SGCZ: variants seen among roughly 807,000 people sequenced by gnomAD.
SGCZ encodes sarcoglycan zeta, also known as zeta-sarcoglycan.
A neutral mutation model predicts 41.3 loss-of-function variants in SGCZ; 40 were observed. The observed-to-expected ratio is 0.97, with a 90% CI of 0.75 to 1.26. The LOEUF is 1.26. Ranked by LOEUF, SGCZ falls within the 50% of genes most tolerant of loss-of-function variation. The pLI, the probability that SGCZ is intolerant of heterozygous loss-of-function variation, is 0.00. For synonymous variants in SGCZ, 206 were observed against 137.5 expected (o/e 1.50, Z -3.49); for missense variants, 552 against 369.8 (o/e 1.49, Z -4.04).
At chr8:14,122,889 C>T (rs1368829160) in intron 5 of SGCZ, among the ~76,000 whole-genome samples, 1 of 152,196 alleles carries the variant, frequency 6.6e-6, no homozygotes, top group Admixed American at 6.5e-5. Flanking sequence ...CCAGCTACCT[C>T]AACAAAATGT....
intron 6 of SGCZ, among the ~76,000 whole-genome samples, chr8:14,103,433 T>G (rs1313639626): frequency 6.6e-6 from 1 of 152,006 alleles, no homozygotes; most frequent in East Asian, 1.9e-4. Context: ...AAGAGGAGGG[T>G]CCCCTCGGGC....
intron 1 of SGCZ, among the ~76,000 whole-genome samples, chr8:14,886,150 C>A (rs193283008): frequency 2.7e-5 from 4 of 150,760 alleles, no homozygotes; most frequent in Admixed American, 2.7e-4. Flanking sequence ...TAAGCCAGAC[C>A]GTTAGTATTG....
At chr8:15,037,489 T>C (rs576950054) in intron 1 of SGCZ, among the ~76,000 whole-genome samples, 126 of 152,294 alleles carry the variant, frequency 8.3e-4, no homozygotes, top group African/African-American at 2.9e-3. Context: ...AATGGACTAA[T>C]ACATATGAGA....
At chr8:14,312,666 AGGAAGAGGAGGAGGAGGAGGAAGAGGAGC>A in intron 3 of SGCZ, among the ~76,000 whole-genome samples, 2 of 151,998 alleles carry the variant, frequency 1.3e-5, no homozygotes, top group South Asian at 4.2e-4. Flanking sequence ...GAAGAGGAGG[AGGAAGAGGAGGAGGAGGAGGAAGAGGAGC>A]AGGAAGAGGA....
chr8:14,803,380 G>A (rs548665000), intron 1 of SGCZ, among the ~76,000 whole-genome samples: 11 of 152,212 alleles, frequency 7.2e-5, no homozygotes, highest in Non-Finnish European at 1.2e-4. Flanking sequence ...CGCACCATGC[G>A]CAAGCCGAAG....
chr8:15,205,487 C>A (rs1158781151), intron 1 of SGCZ, among the ~76,000 whole-genome samples: 12 of 152,106 alleles, frequency 7.9e-5, no homozygotes, highest in Non-Finnish European at 1.6e-4. Flanking sequence ...ATGTGGCCAA[C>A]AATCACATCA....
intron 1 of SGCZ, among the ~76,000 whole-genome samples, chr8:15,168,426 T>A (rs1799727570): frequency 6.6e-6 from 1 of 152,136 alleles, no homozygotes; most frequent in Non-Finnish European, 1.5e-5. Flanking sequence ...AGCAGATAAT[T>A]CCCTATTCGA....
At chr8:15,207,662 T>C (rs929192428) in intron 1 of SGCZ, among the ~76,000 whole-genome samples, 1 of 152,076 alleles carries the variant, frequency 6.6e-6, no homozygotes, top group African/African-American at 2.4e-5. Flanking sequence ...AAAAGGGTTG[T>C]TGAAAAAGTA....
At chr8:14,847,873 A>G (rs1803189127) in intron 1 of SGCZ, among the ~76,000 whole-genome samples, 1 of 152,012 alleles carries the variant, frequency 6.6e-6, no homozygotes, top group Admixed American at 6.6e-5. Context: ...TCTCTAGTCA[A>G]CATTGTACTT....
At chr8:14,811,518 CTTTTTTTTTTTT>C (rs71209087) in intron 1 of SGCZ, among the ~76,000 whole-genome samples, 5 of 49,744 alleles carry the variant, frequency 1.0e-4, no homozygotes, top group Non-Finnish European at 1.8e-4. Context: ...GACACTGCAT[CTTTTTTTTTTTT>C]TTTTTTTTTT....
At chr8:14,332,879 T>C (rs1016389008) in intron 2 of SGCZ, among the ~76,000 whole-genome samples, 4 of 150,394 alleles carry the variant, frequency 2.7e-5, no homozygotes, top group African/African-American at 7.3e-5. Context: ...TATAGGTTTG[T>C]ATATATTATA....
At chr8:14,277,194 A>G (rs142353874) in intron 3 of SGCZ, among the ~76,000 whole-genome samples, 33 of 152,304 alleles carry the variant, frequency 2.2e-4, no homozygotes, top group African/African-American at 7.9e-4. Context: ...CTTTTTCAAT[A>G]TGACATGTGC....
chr8:14,835,005 G>A (rs1165264797), intron 1 of SGCZ, among the ~76,000 whole-genome samples: 1 of 152,108 alleles, frequency 6.6e-6, no homozygotes, highest in African/African-American at 2.4e-5. Flanking sequence ...ATACATCAGA[G>A]CCACCTCTAC....
chr8:15,020,024 T>C (rs1016165522), intron 1 of SGCZ, among the ~76,000 whole-genome samples: 10 of 151,998 alleles, frequency 6.6e-5, no homozygotes, highest in East Asian at 1.9e-4. Context: ...GCATATATTT[T>C]ATGAGCATTT....
At chr8:14,473,916 C>T (rs7819092) in intron 2 of SGCZ, among the ~76,000 whole-genome samples, 14,369 of 144,478 alleles carry the variant, frequency 0.099, 1,476 homozygotes, top group African/African-American at 0.27. Context: ...CCAGCCTGGG[C>T]GACAGAGCAA....
At chr8:14,277,998 C>T (rs145422624) in intron 3 of SGCZ, among the ~76,000 whole-genome samples, 202 of 152,216 alleles carry the variant, frequency 1.3e-3, no homozygotes, top group African/African-American at 4.6e-3. Flanking sequence ...GAGGGCAGCA[C>T]GAAGAGATTA....
At chr8:14,450,152 A>G (rs60619679) in intron 2 of SGCZ, among the ~76,000 whole-genome samples, 9 of 152,284 alleles carry the variant, frequency 5.9e-5, no homozygotes, top group African/African-American at 1.2e-4. Flanking sequence ...TGAATGTCCC[A>G]TAAGGCCATG....
chr8:14,848,608 T>C (rs1468999103), intron 1 of SGCZ, among the ~76,000 whole-genome samples: 1 of 152,196 alleles, frequency 6.6e-6, no homozygotes, highest in Non-Finnish European at 1.5e-5. Flanking sequence ...AGAAGGATAA[T>C]CTTTCAACAA....
intron 2 of SGCZ, among the ~76,000 whole-genome samples, chr8:14,436,829 C>G (rs1308802758): frequency 6.6e-6 from 1 of 152,184 alleles, no homozygotes; most frequent in Admixed American, 6.5e-5. Flanking sequence ...TAGCTGAAAC[C>G]TGAACTCACC....
Sources: gnomAD v4.1 joint callset for allele counts (sites outside exome capture counted in the v4.1 genomes callset) on GRCh38, gnomAD v4.1.1 for gene constraint, MANE v1.5 for transcripts, NCBI Gene and HGNC (gene_info 2026-07-23, HGNC 2026-07-21) for gene names.